The following DAPK1 variants were observed in gnomAD, a reference collection of about 807,000 sequenced individuals.
DAPK1 encodes death-associated protein kinase 1.
DAPK1 carries 56 observed loss-of-function variants against 144.9 expected under a neutral mutation model. The ratio of observed to expected loss-of-function variants is 0.39; its 90% CI spans 0.31 to 0.48. The LOEUF (loss-of-function observed/expected upper bound fraction) is 0.48. DAPK1 is among the 20% of genes least tolerant of loss of function. DAPK1 has a pLI of 0.95. For synonymous variants in DAPK1, 690 were observed against 749.0 expected, an observed-to-expected ratio of 0.92 and a Z score of 1.29; for missense variants, 1,454 against 1,875.4, an observed-to-expected ratio of 0.78 and a Z score of 4.15.
chr9:87,683,951 GT>G (rs1780891277), intron 20 of DAPK1, among the ~76,000 whole-genome samples: 1 of 152,200 alleles, frequency 6.6e-6, no homozygotes, highest in South Asian at 2.1e-4. Context: ...TGCGCTGGTG[GT>G]TGCCCCTGAA....
chr9:87,606,526 CT>C (rs1828721277), intron 3 of DAPK1, among the ~76,000 whole-genome samples: 1 of 105,460 alleles, frequency 9.5e-6, no homozygotes, highest in African/African-American at 3.8e-5. Flanking sequence ...TCCTTCCTTC[CT>C]TCCTTCCCCC....
intron 2 of DAPK1, among the ~76,000 whole-genome samples, chr9:87,594,584 G>A (rs1828250471): frequency 6.6e-6 from 1 of 152,222 alleles, no homozygotes; most frequent in Non-Finnish European, 1.5e-5. Flanking sequence ...TAAGGAGTCT[G>A]CCAGGCTCCA....
chr9:87,639,224 TC>T, intron 4 of DAPK1, 129 bp from the exon 5 acceptor site: 1 of 828,460 alleles, frequency 1.2e-6, no homozygotes, highest in Admixed American at 3.1e-5. Context: ...TTCCTGCTGT[TC>T]TCTTCCAACC....
intron 3 of DAPK1, among the ~76,000 whole-genome samples, chr9:87,622,054 CT>C (rs11347503): frequency 0.39 from 57,027 of 146,174 alleles, 12,183 homozygotes; most frequent in African/African-American, 0.59. Context: ...CTGCCTTGCA[CT>C]TTTTTTTTTT....
chr9:87,583,186 A>G (rs988274432), intron 2 of DAPK1, among the ~76,000 whole-genome samples: 1 of 152,172 alleles, frequency 6.6e-6, no homozygotes, highest in African/African-American at 2.4e-5. Flanking sequence ...GGGAAGAATA[A>G]TATTTCATTA....
intron 2 of DAPK1, among the ~76,000 whole-genome samples, chr9:87,532,144 G>A (rs1330787243): frequency 1.3e-5 from 2 of 152,164 alleles, no homozygotes; most frequent in African/African-American, 2.4e-5. Flanking sequence ...AAGGCCCTAT[G>A]GTTTACTTCA....
chr9:87,555,708 G>A (rs1303555762), intron 2 of DAPK1, among the ~76,000 whole-genome samples: 1 of 152,110 alleles, frequency 6.6e-6, no homozygotes, highest in African/African-American at 2.4e-5. Flanking sequence ...TCTCCATGTT[G>A]GTCAGGCTGG....
chr9:87,655,672 C>T (rs1412573555), intron 17 of DAPK1, among the ~76,000 whole-genome samples: 1 of 152,222 alleles, frequency 6.6e-6, no homozygotes, highest in East Asian at 1.9e-4. Flanking sequence ...GTGAAACAGA[C>T]ATTTCTGCAT....
At chr9:87,533,868 G>T (rs2118385859) in intron 2 of DAPK1, among the ~76,000 whole-genome samples, 1 of 152,226 alleles carries the variant, frequency 6.6e-6, no homozygotes, top group South Asian at 2.1e-4. Context: ...TCGCCATGTT[G>T]GCCAGGCTGG....
At chr9:87,574,494 C>T (rs1827470962) in intron 2 of DAPK1, among the ~76,000 whole-genome samples, 1 of 152,202 alleles carries the variant, frequency 6.6e-6, no homozygotes, top group Non-Finnish European at 1.5e-5. Flanking sequence ...ATCTCTTAAT[C>T]GTTCCTCCAA....
rs1278448556 is a variant in DAPK1, at chr9:87,656,632, C to T, written c.1825-1397C>T. 2.6e-5 allele frequency among the ~76,000 whole-genome samples: 4 copies of T among 152,146 alleles called. No individual in the cohort carries two copies. In the South Asian group the frequency reaches 6.2e-4, roughly 24 times the overall value. ...ACACTGCAGCAGTGTTTACACTAGCCGGGAATTGGAGCTGCCTAGCCTCCC... is the reference window on the plus strand; with the variant it reads ...ACACTGCAGCAGTGTTTACACTAGCTGGGAATTGGAGCTGCCTAGCCTCCC... On this transcript the variant is annotated intron_variant, in intron 17 of 25. Transcript: ENST00000408954.
At chr9:87,644,284 A>G (rs1830194236) in intron 11 of DAPK1, among the ~76,000 whole-genome samples, 1 of 152,220 alleles carries the variant, frequency 6.6e-6, no homozygotes, top group African/African-American at 2.4e-5. Context: ...TCCGAATTCA[A>G]CAAGACTTTC....
intron 3 of DAPK1, among the ~76,000 whole-genome samples, chr9:87,611,008 A>G (rs1828904073): frequency 6.6e-6 from 1 of 151,328 alleles, no homozygotes; most frequent in Non-Finnish European, 1.5e-5. Flanking sequence ...TAAGTATGTG[A>G]GCACATACTT....
chr9:87,706,245 C>T lies in DAPK1; in HGVS notation c.3174C>T (p.His1058=), dbSNP rs768913337. 7 of 1,613,822 alleles carry T rather than the reference C, an allele frequency of 4.3e-6. No individual in the cohort carries two copies. In the East Asian group the frequency reaches 1.6e-4, roughly 36 times the overall value. ...CCGTGGAGACCCCACGGGCGCTGCACCACTACCGGGGCCGCTACACCGTGG... is the reference window on the plus strand; with the variant it reads ...CCGTGGAGACCCCACGGGCGCTGCATCACTACCGGGGCCGCTACACCGTGG... The part of the protein sequence containing the change: ...LLSVETPRAL[H]HYRGRYTVED... The change falls in exon 26 of 26, where the codon CAC becomes CAT. Residue 1058 remains histidine, a synonymous_variant. Coordinates refer to ENST00000408954, the MANE Select transcript of DAPK1 (RefSeq NM_004938.4). The surrounding 1 kb of genome is among the most constrained non-coding windows in gnomAD (Gnocchi z 9.0).
chr9:87,698,913 T>G, intron 23 of DAPK1, 119 bp downstream of exon 23: 1 of 627,034 alleles, frequency 1.6e-6, no homozygotes, highest in South Asian at 2.0e-5. Flanking sequence ...TTAAAGGTCT[T>G]TCTTTCTTGG....
chr9:87,698,518 C>G, intron 22 of DAPK1, 138 bp from the exon 23 acceptor site: 1 of 671,264 alleles, frequency 1.5e-6, no homozygotes, highest in Non-Finnish European at 2.7e-6. Context: ...GGCGTGGGGC[C>G]TTCATCTCTG....
intron 2 of DAPK1, among the ~76,000 whole-genome samples, chr9:87,549,876 AT>A (rs578244787): frequency 1.3e-3 from 195 of 152,056 alleles, no homozygotes; most frequent in African/African-American, 4.5e-3. Context: ...CACAATGAAC[AT>A]TTTTTTTATC....
At chr9:87,586,287 C>G (rs1024455686) in intron 2 of DAPK1, among the ~76,000 whole-genome samples, 8 of 152,104 alleles carry the variant, frequency 5.3e-5, no homozygotes, top group Non-Finnish European at 1.2e-4. Context: ...GAGGCCCTGT[C>G]TCCAAGAAAG....
chr9:87,500,218 T>A (rs548764171), intron 2 of DAPK1, among the ~76,000 whole-genome samples: 30 of 152,340 alleles, frequency 2.0e-4, no homozygotes, highest in African/African-American at 7.2e-4. Flanking sequence ...AGAATTTTTT[T>A]AAAAGTTACT....
Sources: allele counts gnomAD v4.1 joint callset (sites outside exome capture counted in the v4.1 genomes callset), GRCh38; gene constraint gnomAD v4.1.1; non-coding constraint Gnocchi (gnomAD v3.1); transcripts MANE v1.5; gene names NCBI Gene and HGNC (gene_info 2026-07-23, HGNC 2026-07-21).